MDM4: variants seen among roughly 807,000 people sequenced by gnomAD.
MDM4 encodes the protein MDM4 regulator of p53.
A neutral mutation model predicts 60.2 loss-of-function variants in MDM4; 2 were observed. The ratio of observed to expected loss-of-function variants is 0.03; its 90% CI spans 0.01 to 0.10. MDM4 has a LOEUF of 0.10. MDM4 is among the 10% of genes least tolerant of loss of function. The pLI is 1.00. For synonymous variants in MDM4, 202 were observed against 198.1 expected (o/e 1.02, Z -0.17); for missense variants, 447 against 577.5 (o/e 0.77, Z 2.32).
chr1:204,539,031 G>A (rs4252708), intron 7 of MDM4, among the ~76,000 whole-genome samples: 85,202 of 151,804 alleles, frequency 0.56, 26,563 homozygotes, highest in Non-Finnish European at 0.68. Context: ...CACCACACCC[G>A]GCTAATTTTG....
Position 204,555,144 on chromosome 1 carries a change from A to G in MDM4, c.*5462A>G. Reference sequence around the variant, plus strand: ...CCTCTGGGAGCACAGGACAGTTAGTAGAACTCTCCATTTCTTTTTTTTTTT... The same window carrying G: ...CCTCTGGGAGCACAGGACAGTTAGTGGAACTCTCCATTTCTTTTTTTTTTT... On this transcript the variant is annotated 3_prime_UTR_variant, in exon 11 of 11. Coordinates refer to ENST00000367182, the MANE Select transcript of MDM4 (RefSeq NM_002393.5). 1 of 191,776 alleles carries G rather than the reference A, an allele frequency of 5.2e-6. No homozygotes were observed. Among genetic ancestry groups the G allele is most frequent in the Non-Finnish European group, 1.1e-5 (1 of 92,140 alleles). The allele number at this position is 191,776 out of a possible 1,614,324, so 11.9% of individuals were successfully genotyped here.
chr1:204,521,654 G>A (rs1168573712), intron 1 of MDM4, among the ~76,000 whole-genome samples: 1 of 152,122 alleles, frequency 6.6e-6, no homozygotes, highest in Non-Finnish European at 1.5e-5. Context: ...ATCACCTGCT[G>A]CATTCTATTT....
chr1:204,551,730 T>C lies in MDM4; in HGVS notation c.*2048T>C, dbSNP rs1663224365. ...CTAGAATTGTCAAACTTAAGGATCATAAAAATCATGAGGGTTGCTTGTTAA... is the reference window on the plus strand; with the variant it reads ...CTAGAATTGTCAAACTTAAGGATCACAAAAATCATGAGGGTTGCTTGTTAA... On this transcript the variant is annotated 3_prime_UTR_variant, in exon 11 of 11. Coordinates refer to ENST00000367182, the MANE Select transcript of MDM4 (RefSeq NM_002393.5). The C allele has an allele frequency of 4.3e-6, 1 of 229,962 alleles. No homozygotes were observed. Among genetic ancestry groups the C allele is most frequent in the Non-Finnish European group, 8.6e-6 (1 of 116,158 alleles). 14.2% of individuals were successfully genotyped at this position (229,962 alleles called of 1,614,324 possible). A position where few individuals can be genotyped will look rare whatever the true frequency, so the allele number is the denominator to read the frequency against.
rs1184281507 is a variant in MDM4, at chr1:204,549,728, A to G, written c.*46A>G. The G allele has an allele frequency of 3.7e-6, 4 of 1,095,004 alleles. No individual in the cohort carries two copies. Among genetic ancestry groups the G allele is most frequent in the Non-Finnish European group, 5.2e-6 (4 of 770,516 alleles). 67.8% of individuals were successfully genotyped at this position (1,095,004 alleles called of 1,614,324 possible). On this transcript the variant is annotated 3_prime_UTR_variant, in exon 11 of 11. Coordinates refer to ENST00000367182, the MANE Select transcript of MDM4 (RefSeq NM_002393.5). Reference sequence around the variant, plus strand: ...TGCATTTATTCCGTTCACTTACCACATTATTTGAAAATCAATCCTTTATTT... The same window carrying G: ...TGCATTTATTCCGTTCACTTACCACGTTATTTGAAAATCAATCCTTTATTT...
rs2102458820 is a variant in MDM4, at chr1:204,549,592, T to C, written c.1383T>C (p.Phe461=). 1 of 1,613,050 alleles carries C rather than the reference T, an allele frequency of 6.2e-7. No individual in the cohort carries two copies. Among genetic ancestry groups the C allele is most frequent in the South Asian group, 1.1e-5 (1 of 90,890 alleles). ...GGACGGGCCATCTTGTCACTTGTTTTCACTGTGCCAGAAGACTAAAGAAGG... is the reference window on the plus strand; with the variant it reads ...GGACGGGCCATCTTGTCACTTGTTTCCACTGTGCCAGAAGACTAAAGAAGG... ...HGRTGHLVTC[F]HCARRLKKAG... is the part of the protein sequence containing the mutation. Residue 461 remains phenylalanine, a synonymous_variant, in exon 11 of 11, where the codon TTT becomes TTC. Transcript: ENST00000367182.
intron 2 of MDM4, among the ~76,000 whole-genome samples, chr1:204,525,847 G>A (rs751226592): frequency 1.3e-4 from 20 of 152,006 alleles, no homozygotes; most frequent in Non-Finnish European, 2.6e-4. Flanking sequence ...AGCCTGAGGC[G>A]GGATATCACT....
intron 3 of MDM4, among the ~76,000 whole-genome samples, chr1:204,527,249 A>G (rs528088177): frequency 6.6e-6 from 1 of 152,078 alleles, no homozygotes; most frequent in Non-Finnish European, 1.5e-5. Context: ...GAAGGTTGCA[A>G]TGAGGTGCAC....
At chr1:204,522,802 A>G (rs1659696696) in intron 1 of MDM4, among the ~76,000 whole-genome samples, 1 of 151,926 alleles carries the variant, frequency 6.6e-6, no homozygotes, top group Non-Finnish European at 1.5e-5. Flanking sequence ...GATTACAGCT[A>G]TAAGCCTTTT....
At chr1:204,539,531 T>G (rs995231097) in intron 7 of MDM4, among the ~76,000 whole-genome samples, 22 of 150,386 alleles carry the variant, frequency 1.5e-4, no homozygotes, top group Middle Eastern at 3.4e-3. Context: ...TTTTTTTTGT[T>G]TTGTTTTGTT....
intron 10 of MDM4, among the ~76,000 whole-genome samples, chr1:204,548,766 C>T (rs144381354): frequency 5.9e-5 from 9 of 151,942 alleles, no homozygotes; most frequent in African/African-American, 1.9e-4. Flanking sequence ...GCCTCTTGCC[C>T]GATAAAGGAG....
rs1409897108 is a variant in MDM4 at position 204,557,317 on chromosome 1, T to C, written c.*7635T>C. The C allele has an allele frequency of 1.1e-5, 2 of 187,564 alleles. No homozygotes were observed. Among genetic ancestry groups the C allele is most frequent in the Non-Finnish European group, 2.2e-5 (2 of 88,998 alleles). The allele number at this position is 187,564 out of a possible 1,614,324, so 11.6% of individuals were successfully genotyped here. On this transcript the variant is annotated 3_prime_UTR_variant, in exon 11 of 11. Coordinates refer to ENST00000367182, the MANE Select transcript of MDM4 (RefSeq NM_002393.5). ...AGGCTCTTGACCAGAAAAGAGTTCT[T>C]TCTCTAGGTGTTCTGAGAGAAGTTT... is the stretch of plus-strand genomic sequence containing the variant.
intron 10 of MDM4, among the ~76,000 whole-genome samples, chr1:204,548,171 A>G (rs1320799096): frequency 6.6e-6 from 1 of 152,238 alleles, no homozygotes; most frequent in East Asian, 1.9e-4. Context: ...TGCCAATTAA[A>G]CTGTGGCACA....
intron 10 of MDM4, among the ~76,000 whole-genome samples, chr1:204,548,731 G>A (rs1027082132): frequency 3.3e-5 from 5 of 152,042 alleles, no homozygotes; most frequent in Admixed American, 6.6e-5. Context: ...AGAAAAGAAT[G>A]ACAGAGTATT....
chr1:204,534,879 T>C (rs981623233), intron 5 of MDM4, among the ~76,000 whole-genome samples: 2 of 152,160 alleles, frequency 1.3e-5, no homozygotes, highest in Non-Finnish European at 2.9e-5. Flanking sequence ...CTATACCCTT[T>C]ATCCAGAGTC....
rs527671245 is a variant in MDM4, at chr1:204,520,744, C to T, written c.-36+4235C>T. Among the ~76,000 whole-genome samples, 5 of 152,082 alleles carry T rather than the reference C, an allele frequency of 3.3e-5. No individual in the cohort carries two copies. The South Asian group carries it at 6.2e-4, about 19-fold the overall frequency. ...TAAAAAAATTAGCCAGGAATGGTGG[C>T]GCATGCCTGTAGTCCCAGATAATCA... On this transcript the variant is annotated intron_variant, in intron 1 of 10. Transcript: ENST00000367182.
intron 3 of MDM4, among the ~76,000 whole-genome samples, chr1:204,528,519 G>C (rs930109593): frequency 6.6e-6 from 1 of 152,182 alleles, no homozygotes; most frequent in East Asian, 1.9e-4. Context: ...GAGCTCAGCT[G>C]ACTGGACACT....
rs775454432 is a variant in MDM4 at position 204,546,863 on chromosome 1, G to C, written c.889G>C (p.Glu297Gln). 2.1e-5 allele frequency: 34 copies of C among 1,609,522 alleles called. No individual in the cohort carries two copies. Among genetic ancestry groups the C allele is most frequent in the Non-Finnish European group, 2.9e-5 (34 of 1,176,144 alleles). Residue 297 changes from glutamate to glutamine, a missense_variant, in exon 10 of 11, where the codon GAG (glutamate) becomes CAG (glutamine). Glu to Gln is a conservative substitution (Grantham distance 29). Transcript: ENST00000367182. ...SKSLSDDTDV[E>Q]VTSEDEWQCT... ...GTCCTTAAGTGATGATACCGATGTA[G>C]AGGTTACCTCTGAGGTATGAATCTT...
chr1:204,526,969 C>T (rs1472406260), intron 3 of MDM4, among the ~76,000 whole-genome samples: 2 of 151,844 alleles, frequency 1.3e-5, no homozygotes, highest in East Asian at 1.9e-4. Flanking sequence ...ATTCATTGAT[C>T]GTAGAGTTAA....
chr1:204,544,790 C>T, intron 9 of MDM4, 106 bp downstream of exon 9: 1 of 997,970 alleles, frequency 1.0e-6, no homozygotes, highest in Non-Finnish European at 1.4e-6. Flanking sequence ...ACATAATCCC[C>T]TTTTTAACTT....
Sources: gnomAD v4.1 joint callset for allele counts (sites outside exome capture counted in the v4.1 genomes callset) on GRCh38, gnomAD v4.1.1 for gene constraint, MANE v1.5 for transcripts, NCBI Gene and HGNC (gene_info 2026-07-23, HGNC 2026-07-21) for gene names.